Variants in LAMA3 observed in about 807,000 individuals in gnomAD.
LAMA3 encodes laminin subunit alpha-3.
A neutral mutation model predicts 402.0 loss-of-function variants in LAMA3; 281 were observed. The observed-to-expected ratio is 0.70, with a 90% confidence interval of 0.63 to 0.77. LAMA3 has a LOEUF of 0.77. Ranked by LOEUF, LAMA3 falls within the 30% of genes least tolerant of loss-of-function variation. The pLI, the probability that LAMA3 is intolerant of heterozygous loss-of-function variation, is 0.00. For missense variants in LAMA3, 3,840 were observed against 4,215.5 expected (o/e 0.91, Z 2.47); for synonymous variants, 1,431 against 1,558.4 (o/e 0.92, Z 1.93).
chr18:23,750,022 G>A (rs535687370), intron 4 of LAMA3, among the ~76,000 whole-genome samples: 1 of 152,296 alleles, frequency 6.6e-6, no homozygotes, highest in Non-Finnish European at 1.5e-5. Context: ...TGCACCTCTA[G>A]ATAGAAAGAG....
rs1465731673 is a variant in LAMA3, at chr18:23,774,331, G to T, written c.1273+744G>T. On this transcript the variant is annotated intron_variant, in intron 9 of 74. Transcript: ENST00000313654. The stretch of plus-strand genomic sequence containing the variant: ...AATAGCTAATATTTGTTGAGTACTT[G>T]CCATATATGAGGCATTACCTAAATA... 2.6e-4 allele frequency among the ~76,000 whole-genome samples: 40 copies of T among 152,168 alleles called. 1 individual carries two copies. The highest frequency in any genetic ancestry group is 2.6e-3 in the Admixed American group (40 of 15,276).
chr18:23,931,181 T>G lies in LAMA3; in HGVS notation c.8556T>G (p.Ser2852=), dbSNP rs756235025. 2 of 1,612,980 alleles carry G rather than the reference T, an allele frequency of 1.2e-6. No individual in the cohort carries two copies. The highest frequency in any genetic ancestry group is 1.7e-5 in the Admixed American group (1 of 60,026). ...TYMDGLLHYV[S]VISDNSGLRL... is the part of the protein sequence containing the mutation. ...TGGATGGTTTACTGCATTATGTATC[T>G]GTAATAAGCGACAACTCTGGGTGAG... Residue 2852 remains serine, a synonymous_variant, in exon 65 of 75, where the codon TCT becomes TCG. Transcript: ENST00000313654.
At chr18:23,762,858 A>AT (rs1183140209) in intron 7 of LAMA3, among the ~76,000 whole-genome samples, 1 of 118,166 alleles carries the variant, frequency 8.5e-6, no homozygotes, top group East Asian at 3.9e-4. Context: ...GTATATATAT[A>AT]TATTTTTTTT....
chr18:23,895,066 C>T lies in LAMA3; in HGVS notation c.5613+8C>T. On this transcript the variant is annotated splice_region_variant and intron_variant, in intron 44 of 74. Coordinates refer to ENST00000313654, the MANE Select transcript of LAMA3 (RefSeq NM_198129.4). Reference sequence around the variant, plus strand: ...CAGGCCAAGGACCTGAGGGTAAATCCCCTGCGGCCGAGAGTAGACACGTGG... The same window carrying T: ...CAGGCCAAGGACCTGAGGGTAAATCTCCTGCGGCCGAGAGTAGACACGTGG... 6.3e-7 allele frequency: 1 copy of T among 1,586,536 alleles called. No individual in the cohort carries two copies. The highest frequency in any genetic ancestry group is 2.3e-5 in the East Asian group (1 of 43,408).
chr18:23,942,617 A>T (rs921045422), intron 68 of LAMA3, among the ~76,000 whole-genome samples: 1 of 142,872 alleles, frequency 7.0e-6, no homozygotes, highest in African/African-American at 2.6e-5. Context: ...CCGCTGTGTC[A>T]CCCAGGCTGG....
chr18:23,927,457 C>A (rs1230607153), intron 62 of LAMA3, among the ~76,000 whole-genome samples: 1 of 152,166 alleles, frequency 6.6e-6, no homozygotes, highest in Non-Finnish European at 1.5e-5. Flanking sequence ...GCATGAGCCA[C>A]CCCACCCGGC....
intron 1 of LAMA3, among the ~76,000 whole-genome samples, chr18:23,702,274 G>T (rs2060804398): frequency 6.6e-6 from 1 of 152,156 alleles, no homozygotes; most frequent in Non-Finnish European, 1.5e-5. Flanking sequence ...GTTCTCAGTT[G>T]TCTATGGAGG....
At chr18:23,772,154 G>T (rs2062213097) in intron 8 of LAMA3, among the ~76,000 whole-genome samples, 1 of 151,152 alleles carries the variant, frequency 6.6e-6, no homozygotes, top group African/African-American at 2.4e-5. Context: ...CAATTCTCCT[G>T]CCTCAGCCTG....
At chr18:23,814,289 T>TAAA in intron 14 of LAMA3, 114 bp from the exon 15 acceptor site, 1 of 789,872 alleles carries the variant, frequency 1.3e-6, no homozygotes. Context: ...TGGATACACT[T>TAAA]AATTACTTTT....
chr18:23,859,894 T>G (rs1463221665), intron 34 of LAMA3, among the ~76,000 whole-genome samples: 2 of 152,198 alleles, frequency 1.3e-5, no homozygotes, highest in East Asian at 1.9e-4. Flanking sequence ...TTGGTCTTCC[T>G]GGCTACAAGC....
At chr18:23,903,815 G>A (rs1366695431) in intron 49 of LAMA3, 118 bp from the exon 50 acceptor site, 1 of 863,058 alleles carries the variant, frequency 1.2e-6, no homozygotes, top group Non-Finnish European at 1.9e-6. Flanking sequence ...AATAGGCTTA[G>A]AAAATATAAC....
chr18:23,847,562 T>C lies in LAMA3; in HGVS notation c.4030T>C (p.Ser1344Pro). Residue 1344 changes from serine to proline, a missense_variant, in exon 32 of 75, where the codon TCA becomes CCA. By Grantham distance (74) the Ser-to-Pro change is moderately conservative. Coordinates refer to ENST00000313654, the MANE Select transcript of LAMA3 (RefSeq NM_198129.4). ...RPQCEVCETH[S>P]FSFHPMAGCE... ...CCAGTGTGAGGTGTGTGAGACACAC[T>C]CATTCAGCTTCCACCCCATGGCCGG... 1 of 1,614,070 alleles carries C rather than the reference T, an allele frequency of 6.2e-7. No individual in the cohort carries two copies. Among genetic ancestry groups the C allele is most frequent in the South Asian group, 1.1e-5 (1 of 91,080 alleles).
chr18:23,696,811 T>C (rs2145823537), intron 1 of LAMA3, among the ~76,000 whole-genome samples: 1 of 152,352 alleles, frequency 6.6e-6, no homozygotes, highest in South Asian at 2.1e-4. Flanking sequence ...GATGAACTCT[T>C]TATTCTCTTT....
At chr18:23,747,459 T>C (rs535041258) in intron 2 of LAMA3, among the ~76,000 whole-genome samples, 1 of 151,744 alleles carries the variant, frequency 6.6e-6, no homozygotes, top group East Asian at 1.9e-4. Context: ...AGGGAAGGAG[T>C]GCTACCACTC....
chr18:23,795,543 A>AAATAGTTAAAT (rs2062745667), intron 12 of LAMA3, among the ~76,000 whole-genome samples: 1 of 152,208 alleles, frequency 6.6e-6, no homozygotes, highest in Middle Eastern at 3.2e-3. Context: ...GTACTAGATG[A>AAATAGTTAAAT]AATAGTTAAC....
chr18:23,864,330 G>A (rs567180500), intron 35 of LAMA3, among the ~76,000 whole-genome samples: 4 of 151,514 alleles, frequency 2.6e-5, no homozygotes, highest in African/African-American at 7.3e-5. Context: ...GGGCTCAAGC[G>A]ATCTTTCCAC....
intron 40 of LAMA3, among the ~76,000 whole-genome samples, chr18:23,884,019 G>C (rs2064986461): frequency 6.6e-6 from 1 of 151,778 alleles, no homozygotes; most frequent in Admixed American, 6.6e-5. Context: ...TCCAGTGGCA[G>C]ACAACAGGGC....
intron 40 of LAMA3, among the ~76,000 whole-genome samples, chr18:23,883,217 G>A (rs1300096742): frequency 1.3e-5 from 2 of 152,174 alleles, no homozygotes; most frequent in African/African-American, 4.8e-5. Flanking sequence ...TCAGTGCGAT[G>A]GAAATTTTGG....
intron 38 of LAMA3, chr18:23,873,079 T>C (rs1161780155): frequency 1.2e-6 from 2 of 1,614,082 alleles, no homozygotes; most frequent in Admixed American, 1.7e-5. Context: ...GCCTGCAGCA[T>C]GGGATGGCTG....
Sources: allele counts gnomAD v4.1 joint callset (sites outside exome capture counted in the v4.1 genomes callset), GRCh38; gene constraint gnomAD v4.1.1; transcripts MANE v1.5; gene names NCBI Gene and HGNC (gene_info 2026-07-23, HGNC 2026-07-21).